Variants in DERPC observed in about 807,000 individuals in gnomAD.
DERPC encodes DERPC proline and glycine rich nuclear protein.
DERPC carries 1 observed loss-of-function variant against 7.2 expected under a neutral mutation model. The observed-to-expected ratio is 0.14, with a 90% CI of 0.05 to 0.66. The LOEUF is 0.66. Among genes scored for constraint, DERPC ranks in the 30% least tolerant of loss-of-function variants. DERPC has a pLI of 0.84. For missense variants in DERPC, 502 were observed against 299.4 expected (o/e 1.68, Z -4.99); for synonymous variants, 185 against 117.6 (o/e 1.57, Z -3.71).
Position 69,120,926 on chromosome 16 carries a change from A to C in DERPC, c.-221-277T>G. 2 of 845,976 alleles carry C rather than the reference A, an allele frequency of 2.4e-6. No homozygotes were observed. The highest frequency in any genetic ancestry group is 4.2e-6 in the Non-Finnish European group (2 of 480,288). The allele number at this position is 845,976 out of a possible 1,614,324, so 52.4% of individuals were successfully genotyped here. A position where few individuals can be genotyped will look rare whatever the true frequency, so the allele number is the denominator to read the frequency against. ...AGAGGTAGGGGGAGAACAAGCAGAG[A>C]GCATCGCAGATTAGCTAGGCCTTGA... On this transcript the variant is annotated intron_variant, in intron 2 of 2. Transcript: ENST00000519520. This position sits in a 1 kb window ranked among gnomAD's most constrained non-coding sequence, Gnocchi z 4.0.
In DERPC at chr16:69,119,713, C is replaced by T. The variant is rs1367300156; in HGVS notation, c.716G>A (p.Arg239Lys). 4.4e-6 allele frequency: 3 copies of T among 685,082 alleles called. No individual in the cohort carries two copies. Among genetic ancestry groups the T allele is most frequent in the Non-Finnish European group, 8.0e-6 (3 of 374,140 alleles). The allele number at this position is 685,082 out of a possible 1,614,324, so 42.4% of individuals were successfully genotyped here. A position where few individuals can be genotyped will look rare whatever the true frequency, so the allele number is the denominator to read the frequency against. ...FPGPGLGPNP[R>K]PSGLGPGPNL... The stretch of plus-strand genomic sequence containing the variant: ...AGGGCCTGGGCCCAGGCCACTTGGT[C>T]TTGGGTTGGGCCCAAGGCCTGGGCC... Residue 239 changes from arginine (R) to lysine (K), a missense_variant, in exon 3 of 3, where the codon AGA becomes AAA. Transcript: ENST00000519520.
chr16:69,120,122 T>C lies in DERPC; in HGVS notation c.307A>G (p.Asn103Asp), dbSNP rs1230758633. The change falls in exon 3 of 3, where the codon AAT (asparagine) becomes GAT (aspartate). Residue 103 changes from asparagine to aspartate, a missense_variant. Physicochemically the swap from Asn to Asp is conservative, Grantham distance 23. Coordinates refer to ENST00000519520, the MANE Select transcript of DERPC (RefSeq NM_001002847.4). This position sits in a 1 kb window ranked among gnomAD's most constrained non-coding sequence, Gnocchi z 4.0. ...PSMASFPRGM[N>D]PTGTGAVSFP... ...GAAACTGCACCTGTGCCAGTGGGAT[T>C]CATCCCTCTTGGAAAAGAAGCCATA... The C allele has an allele frequency of 1.4e-6, 1 of 701,158 alleles. No homozygotes were observed. The highest frequency in any genetic ancestry group is 2.6e-6 in the Non-Finnish European group (1 of 384,816). The allele number at this position is 701,158 out of a possible 1,614,324, so 43.4% of individuals were successfully genotyped here.
At position 69,120,615 on chromosome 16, in the gene DERPC, A is replaced by G. The variant is rs769342790; in HGVS notation, c.-187T>C. On this transcript the variant is annotated 5_prime_UTR_variant, in exon 3 of 3. Transcript: ENST00000519520. This position sits in a 1 kb window ranked among gnomAD's most constrained non-coding sequence, Gnocchi z 4.0. Reference sequence around the variant, plus strand: ...CTCCAGGTGGATGATTTTCCCATACAGGATATGATGCCCCACGATCAGCAC... The same window carrying G: ...CTCCAGGTGGATGATTTTCCCATACGGGATATGATGCCCCACGATCAGCAC... 19 of 1,613,138 alleles carry G rather than the reference A, an allele frequency of 1.2e-5. No individual in the cohort carries two copies. The highest frequency in any genetic ancestry group is 4.2e-6 in the Non-Finnish European group (5 of 1,179,290).
At chr16:69,125,140 G>A (rs1474971665) in intron 1 of DERPC, among the ~76,000 whole-genome samples, 3 of 152,100 alleles carry the variant, frequency 2.0e-5, no homozygotes. Context: ...CCAACCTCAG[G>A]TGATACGCCC....
chr16:69,119,304 A>G lies in DERPC; in HGVS notation c.1125T>C (p.Ser375=), dbSNP rs770951435. 3.1e-5 allele frequency: 22 copies of G among 703,002 alleles called. No individual in the cohort carries two copies. Among genetic ancestry groups the G allele is most frequent in the Non-Finnish European group, 4.7e-5 (18 of 385,034 alleles). The allele number at this position is 703,002 out of a possible 1,614,324, so 43.5% of individuals were successfully genotyped here. A position where few individuals can be genotyped will look rare whatever the true frequency, so the allele number is the denominator to read the frequency against. ...TAGCTGGGTTTGATGCCAATGTGCC[A>G]GAAGACTGAGAAAAGGCAGATGAAC... ...GAGSSAFSQS[S]GTLASNPATF... is the part of the protein sequence containing the mutation. Residue 375 remains serine (S), a synonymous_variant, in exon 3 of 3, where the codon TCT becomes TCC. Coordinates refer to ENST00000519520, the MANE Select transcript of DERPC (RefSeq NM_001002847.4).
In DERPC at chr16:69,119,049, G is replaced by A. The variant is rs1213029946; in HGVS notation, c.1380C>T (p.Asn460=). 1 of 703,068 alleles carries A rather than the reference G, an allele frequency of 1.4e-6. No homozygotes were observed. Among genetic ancestry groups the A allele is most frequent in the South Asian group, 1.5e-5 (1 of 67,602 alleles). 43.6% of individuals were successfully genotyped at this position (703,068 alleles called of 1,614,324 possible). The change falls in exon 3 of 3, where the codon AAC becomes AAT. Residue 460 remains asparagine, a synonymous_variant. Transcript: ENST00000519520. The part of the protein sequence containing the change: ...GPSPAGPVGI[N]PAPFTRPTGT... ...CAGTTGGCCTTGTGAAAGGAGCTGG[G>A]TTGATACCCACAGGGCCAGCTGGAG...
chr16:69,127,234 C>A, intron 1 of DERPC, among the ~76,000 whole-genome samples: 1 of 149,368 alleles, frequency 6.7e-6, no homozygotes. Flanking sequence ...AGCAAAACTC[C>A]GTCTCAAAAA....
At chr16:69,123,170 C>T (rs1303017025) in intron 1 of DERPC, among the ~76,000 whole-genome samples, 2 of 152,160 alleles carry the variant, frequency 1.3e-5, no homozygotes, top group East Asian at 1.9e-4. Flanking sequence ...GATCCTCCTA[C>T]CTCAGCTTCT....
At chr16:69,124,797 G>A (rs1961936869) in intron 1 of DERPC, among the ~76,000 whole-genome samples, 1 of 152,166 alleles carries the variant, frequency 6.6e-6, no homozygotes, top group Non-Finnish European at 1.5e-5. Flanking sequence ...CACTGTGCAA[G>A]CTTGAGATTT....
chr16:69,118,473 C>G lies in DERPC; in HGVS notation c.*381G>C. 6.7e-7 allele frequency: 1 copy of G among 1,502,290 alleles called. No individual in the cohort carries two copies. The highest frequency in any genetic ancestry group is 1.7e-4 in the Middle Eastern group (1 of 5,856). The allele number at this position is 1,502,290 out of a possible 1,614,324, so 93.1% of individuals were successfully genotyped here. ...TCTAGAGAGCAGTGAGCTGATTCTC[C>G]AATGGTGAGCAGGGGACTACATGTG... On this transcript the variant is annotated 3_prime_UTR_variant, in exon 3 of 3. Transcript: ENST00000519520.
Position 69,120,765 on chromosome 16 carries a change from T to C in DERPC, c.-221-116A>G. On this transcript the variant is annotated intron_variant, in intron 2 of 2. Transcript: ENST00000519520. The surrounding 1 kb of genome is among the most constrained non-coding windows in gnomAD (Gnocchi z 4.0). ...TGGCACCTCCAATCCCTGGTCTGGC[T>C]CTGCCATTGTTGAGCAGCCACACTG... 2 of 923,062 alleles carry C rather than the reference T, an allele frequency of 2.2e-6. No individual in the cohort carries two copies. The allele number at this position is 923,062 out of a possible 1,614,324, so 57.2% of individuals were successfully genotyped here. A position where few individuals can be genotyped will look rare whatever the true frequency, so the allele number is the denominator to read the frequency against.
chr16:69,121,640 G>T, intron 1 of DERPC, 147 bp from the exon 2 acceptor site: 1 of 514,530 alleles, frequency 1.9e-6, no homozygotes, highest in Non-Finnish European at 3.5e-6. Context: ...ACTATGGCCA[G>T]CTAACTTTTT....
rs748688540 is a variant in DERPC, at chr16:69,120,991, G to A, written c.-221-342C>T. On this transcript the variant is annotated intron_variant, in intron 2 of 2. Transcript: ENST00000519520. The surrounding 1 kb of genome is among the most constrained non-coding windows in gnomAD (Gnocchi z 4.0). ...GCAGTCCTCACTCTGGGTCCTGGGA[G>A]CACCACCTTGGTGTAGCTTGCTTTC... The A allele has an allele frequency of 2.0e-4, 273 of 1,399,376 alleles. 1 individual carries two copies. The highest frequency in any genetic ancestry group is 2.6e-4 in the Non-Finnish European group (259 of 983,974). 86.7% of individuals were successfully genotyped at this position (1,399,376 alleles called of 1,614,324 possible).
chr16:69,130,500 A>AAC (rs1962419600), intron 1 of DERPC, among the ~76,000 whole-genome samples: 1 of 152,204 alleles, frequency 6.6e-6, no homozygotes, highest in African/African-American at 2.4e-5. Flanking sequence ...GTTTACGAAT[A>AAC]TAGTGAAGCA....
intron 2 of DERPC, 97 bp downstream of exon 2, chr16:69,121,339 A>T: frequency 8.0e-7 from 1 of 1,252,234 alleles, no homozygotes; most frequent in Non-Finnish European, 1.1e-6. Context: ...GATTTGTACA[A>T]GATGCACCTA....
At position 69,119,180 on chromosome 16, in the gene DERPC, T is replaced by C. The variant is rs770108359; in HGVS notation, c.1249A>G (p.Thr417Ala). Reference sequence around the variant, plus strand: ...GTTGGACTTGGACCCTGCAGGCCAGTGGCCCTTGGGAAGTTAGCTGGGTTG... The same window carrying C: ...GTTGGACTTGGACCCTGCAGGCCAGCGGCCCTTGGGAAGTTAGCTGGGTTG... ...GPNPANFPRA[T>A]GLQGPSPTTF... The change falls in exon 3 of 3, where the codon ACT becomes GCT. Residue 417 changes from threonine (T) to alanine (A), a missense_variant. By Grantham distance (58) the Thr-to-Ala change is moderately conservative (BLOSUM62 0). Transcript: ENST00000519520. The C allele has an allele frequency of 1.7e-5, 12 of 702,920 alleles. 1 individual carries two copies. The South Asian group carries it at 1.8e-4, about 10-fold the overall frequency. 43.5% of individuals were successfully genotyped at this position (702,920 alleles called of 1,614,324 possible). A position where few individuals can be genotyped will look rare whatever the true frequency, so the allele number is the denominator to read the frequency against.
intron 1 of DERPC, among the ~76,000 whole-genome samples, chr16:69,129,824 A>G (rs1186537342): frequency 6.6e-6 from 1 of 152,354 alleles, no homozygotes; most frequent in East Asian, 1.9e-4. Context: ...TAACCTATGG[A>G]AAGACCTTGT....
intron 1 of DERPC, among the ~76,000 whole-genome samples, chr16:69,129,968 G>A (rs1463040925): frequency 9.9e-5 from 15 of 152,176 alleles, no homozygotes. Flanking sequence ...CCACCTCTAG[G>A]ACGCAAAGCT....
chr16:69,120,466 G>A lies in DERPC; in HGVS notation c.-38C>T, dbSNP rs555368304. The A allele has an allele frequency of 3.6e-5, 58 of 1,614,118 alleles. No homozygotes were observed. The Middle Eastern group carries it at 8.2e-4, about 23-fold the overall frequency. On this transcript the variant is annotated 5_prime_UTR_variant, in exon 3 of 3. Transcript: ENST00000519520. This position sits in a 1 kb window ranked among gnomAD's most constrained non-coding sequence, Gnocchi z 4.0. ...ACGCTGGTGATAATGGGCTTGGGGC[G>A]GGTTTTGAAAAGGATCTTGTCTTTG...
Sources: allele counts gnomAD v4.1 joint callset (sites outside exome capture counted in the v4.1 genomes callset), GRCh38; gene constraint gnomAD v4.1.1; non-coding constraint Gnocchi (gnomAD v3.1); transcripts MANE v1.5; gene names NCBI Gene and HGNC (gene_info 2026-07-23, HGNC 2026-07-21).